ZNF92: variants seen among roughly 807,000 people sequenced by gnomAD.
The protein encoded by ZNF92 is zinc finger protein 92.
A neutral mutation model predicts 12.4 loss-of-function variants in ZNF92; 11 were observed. The observed-to-expected ratio is 0.89, with a 90% CI of 0.56 to 1.47. The LOEUF is 1.47. Among genes scored for constraint, ZNF92 ranks in the 40% most tolerant of loss-of-function variants. The probability of loss-of-function intolerance (pLI) is 0.00; values close to 1 mark genes in which losing one functional copy is unlikely to be tolerated. For missense variants in ZNF92, 622 were observed against 681.0 expected (o/e 0.91, Z 0.96); for synonymous variants, 206 against 228.6 (o/e 0.90, Z 0.89).
chr7:65,397,774 C>T (rs1277467511), intron 3 of ZNF92, among the ~76,000 whole-genome samples: 2 of 151,964 alleles, frequency 1.3e-5, no homozygotes, highest in Admixed American at 1.3e-4. Context: ...TTTGTTAAGT[C>T]GGTAATCAGT....
intron 2 of ZNF92, 183 bp downstream of exon 2, chr7:65,388,211 T>A: frequency 2.0e-6 from 1 of 493,964 alleles, no homozygotes; most frequent in Non-Finnish European, 3.4e-6. Context: ...ACCTGAACTC[T>A]CCACATTCCT....
chr7:65,393,858 T>C (rs1793785573), intron 3 of ZNF92, among the ~76,000 whole-genome samples: 1 of 152,084 alleles, frequency 6.6e-6, no homozygotes, highest in Non-Finnish European at 1.5e-5. Context: ...ATACTTTATA[T>C]GATAAACTTT....
chr7:65,391,770 A>C (rs1249123379), intron 3 of ZNF92, among the ~76,000 whole-genome samples: 1 of 152,084 alleles, frequency 6.6e-6, no homozygotes, highest in African/African-American at 2.4e-5. Flanking sequence ...TTACTTATTA[A>C]GTTTTTTATT....
intron 3 of ZNF92, among the ~76,000 whole-genome samples, chr7:65,389,388 T>A (rs1354940245): frequency 6.6e-6 from 1 of 152,154 alleles, no homozygotes. Flanking sequence ...TAAGGTGATC[T>A]TCTTCAAGTT....
rs919075988 is a variant in ZNF92 at position 65,400,715 on chromosome 7, A to C, written c.*840A>C. 1.3e-5 allele frequency: 2 copies of C among 151,986 alleles called. No individual in the cohort carries two copies. Among genetic ancestry groups the C allele is most frequent in the African/African-American group, 4.8e-5 (2 of 41,428 alleles). 9.4% of individuals were successfully genotyped at this position (151,986 alleles called of 1,614,324 possible). ...AAAGTATACTTTTTTCTTGAAAAAA[A>C]TTACAGATTTTTTGAAAAGCAATTG... is the stretch of plus-strand genomic sequence containing the variant. On this transcript the variant is annotated 3_prime_UTR_variant, in exon 4 of 4. Coordinates refer to ENST00000328747, the MANE Select transcript of ZNF92 (RefSeq NM_152626.4).
At chr7:65,392,808 A>T (rs1365892741) in intron 3 of ZNF92, among the ~76,000 whole-genome samples, 1 of 151,998 alleles carries the variant, frequency 6.6e-6, no homozygotes, top group Non-Finnish European at 1.5e-5. Context: ...AAGTGCTGGG[A>T]TTACAGGAGT....
intron 1 of ZNF92, among the ~76,000 whole-genome samples, chr7:65,383,531 G>C (rs939212111): frequency 6.6e-6 from 1 of 151,968 alleles, no homozygotes; most frequent in African/African-American, 2.4e-5. Context: ...GAGCTTTTCA[G>C]ATCTTGTTCA....
intron 3 of ZNF92, among the ~76,000 whole-genome samples, chr7:65,392,732 C>G (rs1188665304): frequency 1.3e-5 from 2 of 151,922 alleles, no homozygotes; most frequent in Non-Finnish European, 2.9e-5. Flanking sequence ...GACAGGGTTT[C>G]TCCATGTTGG....
At chr7:65,379,957 G>T (rs760854761) in intron 1 of ZNF92, among the ~76,000 whole-genome samples, 2 of 152,000 alleles carry the variant, frequency 1.3e-5, no homozygotes, top group Admixed American at 6.6e-5. Context: ...AGACTATTTT[G>T]TCTCTGAGGT....
chr7:65,393,131 A>G (rs1793761126), intron 3 of ZNF92, among the ~76,000 whole-genome samples: 1 of 152,144 alleles, frequency 6.6e-6, no homozygotes, highest in Non-Finnish European at 1.5e-5. Context: ...TACATCTTGT[A>G]AAACTAAAAC....
At chr7:65,377,534 A>G (rs1245946144) in intron 1 of ZNF92, among the ~76,000 whole-genome samples, 1 of 151,896 alleles carries the variant, frequency 6.6e-6, no homozygotes, top group African/African-American at 2.4e-5. Flanking sequence ...TGAGGCAGTT[A>G]CTTTTTATTT....
rs1206598496 is a variant in ZNF92, at chr7:65,373,875, C to T, written c.-123C>T. ...CCTTTGTCTCTCGCTGCAGCCGGCG[C>T]TCCACGTCTAGTCTTCACTGCTCTG... On this transcript the variant is annotated 5_prime_UTR_variant, in exon 1 of 4. Transcript: ENST00000328747. The T allele has an allele frequency of 9.4e-6, 13 of 1,385,512 alleles. 1 individual carries two copies. The highest frequency in any genetic ancestry group is 5.1e-6 in the Non-Finnish European group (5 of 974,670). 85.8% of individuals were successfully genotyped at this position (1,385,512 alleles called of 1,614,324 possible).
At position 65,399,783 on chromosome 7, in the gene ZNF92, A is replaced by T. The variant is rs1402346676; in HGVS notation, c.1669A>T (p.Ile557Leu). 6.2e-7 allele frequency: 1 copy of T among 1,613,478 alleles called. No individual in the cohort carries two copies. ...GTTCTCAACCCTTATTACACATCAG[A>T]TAATTTATACTGGAGAGAAACCCTG... Reference protein sequence around the residue: ...NKFSTLITHQIIYTGEKPCKH... With the variant: ...NKFSTLITHQLIYTGEKPCKH... Residue 557 changes from isoleucine to leucine, a missense_variant, in exon 4 of 4, where the codon ATA (isoleucine) becomes TTA (leucine). Transcript: ENST00000328747.
At position 65,379,846 on chromosome 7, in the gene ZNF92, C is replaced by T. The variant is rs1169221441; in HGVS notation, c.3+5846C>T. Among the ~76,000 whole-genome samples the T allele has an allele frequency of 1.3e-5, 2 of 152,094 alleles. 1 individual carries two copies. The highest frequency in any genetic ancestry group is 3.9e-4 in the East Asian group (2 of 5,180). On this transcript the variant is annotated intron_variant, in intron 1 of 3. Coordinates refer to ENST00000328747, the MANE Select transcript of ZNF92 (RefSeq NM_152626.4). ...CAAACCAGTCTTTCCATCTACAGTG[C>T]ACTCTCCCCCACCCATGGATCTTTT...
At position 65,399,686 on chromosome 7, in the gene ZNF92, T is replaced by A; in HGVS notation, c.1572T>A (p.Leu524=). ...ATGCTTTTAACCAGTCCTCAAACCTTACTGCACGTAAGATAATTTATACTG... is the reference window on the plus strand; with the variant it reads ...ATGCTTTTAACCAGTCCTCAAACCTAACTGCACGTAAGATAATTTATACTG... ...CGNAFNQSSN[L]TARKIIYTGE... The change falls in exon 4 of 4, where the codon CTT becomes CTA. Residue 524 remains leucine (L), a synonymous_variant. Coordinates refer to ENST00000328747, the MANE Select transcript of ZNF92 (RefSeq NM_152626.4). 6.2e-7 allele frequency: 1 copy of A among 1,613,676 alleles called. No individual in the cohort carries two copies.
At chr7:65,374,155 G>A (rs1338418389) in intron 1 of ZNF92, among the ~76,000 whole-genome samples, 155 bp downstream of exon 1, 1 of 152,070 alleles carries the variant, frequency 6.6e-6, no homozygotes, top group Non-Finnish European at 1.5e-5. Context: ...GTCTCCTTCA[G>A]CCATAAGATG....
chr7:65,386,376 G>A (rs1442704427), intron 1 of ZNF92, among the ~76,000 whole-genome samples: 1 of 152,066 alleles, frequency 6.6e-6, no homozygotes, highest in Non-Finnish European at 1.5e-5. Context: ...TATATGCCAT[G>A]TAGAATTCTC....
intron 3 of ZNF92, among the ~76,000 whole-genome samples, chr7:65,394,069 A>C (rs1480882712): frequency 1.3e-5 from 2 of 152,044 alleles, no homozygotes; most frequent in Admixed American, 1.3e-4. Flanking sequence ...GATGTGTAAA[A>C]ATTTTGAAGT....
chr7:65,379,624 C>T (rs1168707713), intron 1 of ZNF92, among the ~76,000 whole-genome samples: 4 of 152,076 alleles, frequency 2.6e-5, no homozygotes, highest in Admixed American at 6.5e-5. Context: ...GGAATTTCAC[C>T]GCAGCATTTT....
Sources: allele counts gnomAD v4.1 joint callset (sites outside exome capture counted in the v4.1 genomes callset), GRCh38; gene constraint gnomAD v4.1.1; transcripts MANE v1.5; gene names NCBI Gene and HGNC (gene_info 2026-07-23, HGNC 2026-07-21).